MLKL: variants seen among roughly 807,000 people sequenced by gnomAD.
MLKL encodes mixed lineage kinase domain like pseudokinase, also known as mixed lineage kinase domain-like protein.
Under a neutral mutation model 56.5 loss-of-function variants are expected in MLKL, and 55 were observed. The observed-to-expected ratio is 0.97, with a 90% CI of 0.78 to 1.22. The LOEUF (loss-of-function observed/expected upper bound fraction) is 1.22. Among genes scored for constraint, MLKL ranks in the 50% most tolerant of loss-of-function variants. The pLI is 0.00. For missense variants in MLKL, 694 were observed against 573.9 expected (o/e 1.21, Z -2.14); for synonymous variants, 251 against 208.3 (o/e 1.20, Z -1.76).
At chr16:74,687,960 G>C (rs572202914) in intron 4 of MLKL, among the ~76,000 whole-genome samples, 1 of 152,232 alleles carries the variant, frequency 6.6e-6, no homozygotes, top group African/African-American at 2.4e-5. Context: ...TGAGTAGCTG[G>C]GACTACAGGT....
chr16:74,693,292 AC>A (rs1225553580), intron 2 of MLKL, among the ~76,000 whole-genome samples: 1 of 151,536 alleles, frequency 6.6e-6, no homozygotes, highest in Non-Finnish European at 1.5e-5. Context: ...AGATAGTGAA[AC>A]CCCGTCTCTA....
At chr16:74,675,294 C>T (rs756075434) in intron 9 of MLKL, 61 bp downstream of exon 9, 3 of 1,610,706 alleles carry the variant, frequency 1.9e-6, no homozygotes, top group Non-Finnish European at 1.7e-6. Flanking sequence ...TGGGGAATTT[C>T]TGGTCTACTG....
At position 74,695,478 on chromosome 16, in the gene MLKL, C is replaced by T. The variant is rs759329204; in HGVS notation, c.280G>A (p.Asp94Asn). ...TTCACGTCCTTGAAGAGTATTTTGTCCTGGCTTGCTGTTAGAAACCTGCAG... is the reference window on the plus strand; with the variant it reads ...TTCACGTCCTTGAAGAGTATTTTGTTCTGGCTTGCTGTTAGAAACCTGCAG... ...NICRFLTASQDKILFKDVNRK... is the reference protein window; with the variant it reads ...NICRFLTASQNKILFKDVNRK... The change falls in exon 2 of 11, where the codon GAC becomes AAC. Residue 94 changes from aspartate to asparagine, a missense_variant. Coordinates refer to ENST00000308807, the MANE Select transcript of MLKL (RefSeq NM_152649.4). 3.7e-6 allele frequency: 6 copies of T among 1,614,066 alleles called. No homozygotes were observed. In the African/African-American group the frequency reaches 4.0e-5, roughly 11 times the overall value.
chr16:74,683,259 C>T (rs904834313), intron 5 of MLKL, among the ~76,000 whole-genome samples: 2 of 148,410 alleles, frequency 1.3e-5, no homozygotes, highest in Non-Finnish European at 3.0e-5. Context: ...CACCACTGCA[C>T]TCCAGCCTGG....
rs190644727 is a variant in MLKL at position 74,691,988 on chromosome 16, C to A, written c.535+354G>T. On this transcript the variant is annotated intron_variant, in intron 3 of 10. Coordinates refer to ENST00000308807, the MANE Select transcript of MLKL (RefSeq NM_152649.4). ...TCTTTGCATGGCCTCTGGCATAAACCAGATACTCACAGTTTTGTTGAATGA... is the reference window on the plus strand; with the variant it reads ...TCTTTGCATGGCCTCTGGCATAAACAAGATACTCACAGTTTTGTTGAATGA... Among the ~76,000 whole-genome samples, 506 of 152,306 alleles carry A rather than the reference C, an allele frequency of 3.3e-3. 5 individuals carry two copies. Among genetic ancestry groups the A allele is most frequent in the African/African-American group, 0.012 (482 of 41,558 alleles).
chr16:74,700,144 G>A (rs566494575), intron 1 of MLKL, among the ~76,000 whole-genome samples: 24 of 152,124 alleles, frequency 1.6e-4, no homozygotes, highest in Middle Eastern at 3.4e-3. Context: ...CTCTCACTCT[G>A]TCTCTCTCTC....
intron 2 of MLKL, among the ~76,000 whole-genome samples, chr16:74,694,501 G>A (rs959544953): frequency 6.6e-6 from 1 of 151,982 alleles, no homozygotes; most frequent in Non-Finnish European, 1.5e-5. Context: ...GACCTCCTAG[G>A]TGCCTGTAAT....
chr16:74,691,001 A>G (rs1960634562), intron 4 of MLKL, among the ~76,000 whole-genome samples: 1 of 151,870 alleles, frequency 6.6e-6, no homozygotes, highest in South Asian at 2.1e-4. Flanking sequence ...CACTAGAACT[A>G]CTGTCTGTGG....
In MLKL at chr16:74,695,549, T is replaced by G. The variant is rs1278510971; in HGVS notation, c.209A>C (p.Glu70Ala). ...CTTTTCTATCTCCCCATTAGCCTCC[T>G]CCAGGGCAGCCTTGAAGCGGTTCAT... ...TAMNRFKAAL[E>A]EANGEIEKFS... Residue 70 changes from glutamate to alanine, a missense_variant, in exon 2 of 11, where the codon GAG becomes GCG. Physicochemically the swap from Glu to Ala is moderately radical, Grantham distance 107. Transcript: ENST00000308807. The G allele has an allele frequency of 6.2e-7, 1 of 1,614,220 alleles. No individual in the cohort carries two copies.
At chr16:74,684,947 C>T (rs748459354) in intron 5 of MLKL, among the ~76,000 whole-genome samples, 1 of 151,958 alleles carries the variant, frequency 6.6e-6, no homozygotes, top group Non-Finnish European at 1.5e-5. Flanking sequence ...TCACTGCAAC[C>T]TCCGCTTCCC....
In MLKL at chr16:74,695,610, T is replaced by C. The variant is rs765653663; in HGVS notation, c.148A>G (p.Lys50Glu). The C allele has an allele frequency of 1.4e-5, 23 of 1,614,066 alleles. No homozygotes were observed. The highest frequency in any genetic ancestry group is 2.5e-6 in the Non-Finnish European group (3 of 1,180,036). Residue 50 changes from lysine (K) to glutamate (E), a missense_variant, in exon 2 of 11, where the codon AAG (lysine) becomes GAG (glutamate). Physicochemically the swap from Lys to Glu is moderately conservative, Grantham distance 56. Transcript: ENST00000308807. The stretch of plus-strand genomic sequence containing the variant: ...AACTTCTCAGAGGGCACGCTCCTCT[T>C]TCCTTGGTCCTGGAGCATCTCCAGA... ...KPLEMLQDQG[K>E]RSVPSEKLTT...
chr16:74,672,421 G>T lies in MLKL; in HGVS notation c.*83C>A. 7.5e-7 allele frequency: 1 copy of T among 1,326,984 alleles called. No homozygotes were observed. Among genetic ancestry groups the T allele is most frequent in the Non-Finnish European group, 1.1e-6 (1 of 928,540 alleles). The allele number at this position is 1,326,984 out of a possible 1,614,324, so 82.2% of individuals were successfully genotyped here. A position where few individuals can be genotyped will look rare whatever the true frequency, so the allele number is the denominator to read the frequency against. ...TTGCACCCATAGATAACCCAATGCC[G>T]AAGGATATGAGAGAGAGAGATGTCC... On this transcript the variant is annotated 3_prime_UTR_variant, in exon 11 of 11. Transcript: ENST00000308807.
chr16:74,676,268 G>A, intron 7 of MLKL: 2 of 989,540 alleles, frequency 2.0e-6, no homozygotes, highest in Non-Finnish European at 1.2e-6. Flanking sequence ...GGCGTGACGA[G>A]TGTGAGTCAT....
chr16:74,675,651 A>T lies in MLKL; in HGVS notation c.1152T>A (p.Asp384Glu). The T allele has an allele frequency of 6.2e-7, 1 of 1,614,072 alleles. No homozygotes were observed. Among genetic ancestry groups the T allele is most frequent in the South Asian group, 1.1e-5 (1 of 91,076 alleles). Residue 384 changes from aspartate to glutamate, a missense_variant, in exon 8 of 11, where the codon GAT (aspartate) becomes GAA (glutamate). Coordinates refer to ENST00000308807, the MANE Select transcript of MLKL (RefSeq NM_152649.4). ...ACTTTACATCATATTGATAAAATAC[A>T]TCTTCCAGTTCCTGAGGTGAGAGAT... ...TAYLSPQELE[D>E]VFYQYDVKSE...
intron 6 of MLKL, among the ~76,000 whole-genome samples, chr16:74,681,368 G>A (rs879526876): frequency 4.6e-5 from 7 of 152,090 alleles, no homozygotes; most frequent in Non-Finnish European, 1.0e-4. Context: ...AATGAAAAAT[G>A]TTAAGTAAAT....
chr16:74,684,033 C>T (rs1384569662), intron 5 of MLKL, among the ~76,000 whole-genome samples: 1 of 151,940 alleles, frequency 6.6e-6, no homozygotes, highest in Non-Finnish European at 1.5e-5. Context: ...CTGCAACCTC[C>T]GCCTCCCAGG....
chr16:74,674,336 A>G (rs568999068), intron 10 of MLKL, among the ~76,000 whole-genome samples: 1 of 151,744 alleles, frequency 6.6e-6, no homozygotes, highest in African/African-American at 2.4e-5. Context: ...GGTTTTTAAT[A>G]GAGACGAGGT....
At chr16:74,672,818 G>A (rs942836091) in intron 10 of MLKL, among the ~76,000 whole-genome samples, 8 of 152,234 alleles carry the variant, frequency 5.3e-5, no homozygotes, top group Non-Finnish European at 1.2e-4. Flanking sequence ...ACCCTAGGTT[G>A]TAAGGGAGCT....
At chr16:74,692,539 G>A in intron 2 of MLKL, 123 bp from the exon 3 acceptor site, 2 of 705,718 alleles carry the variant, frequency 2.8e-6, no homozygotes, top group Admixed American at 3.0e-5. Context: ...ATTATGGTAG[G>A]GATTACTACT....
Sources: gnomAD v4.1 joint callset for allele counts (sites outside exome capture counted in the v4.1 genomes callset) on GRCh38, gnomAD v4.1.1 for gene constraint, MANE v1.5 for transcripts, NCBI Gene and HGNC (gene_info 2026-07-23, HGNC 2026-07-21) for gene names.